Variants in SHANK2 observed in about 807,000 individuals in gnomAD.
SHANK2 encodes the protein SH3 and multiple ankyrin repeat domains protein 2.
In SHANK2, 43 loss-of-function variants were observed where a neutral mutation model predicts 133.7. That is an observed-to-expected ratio of 0.32 (90% CI 0.25 to 0.41). SHANK2 has a LOEUF of 0.41. SHANK2 is among the 10% of genes least tolerant of loss of function. SHANK2 has a pLI of 1.00. For synonymous variants in SHANK2, 1,017 were observed against 952.8 expected (o/e 1.07, Z -1.24); for missense variants, 1,994 against 2,235.8 (o/e 0.89, Z 2.18).
chr11:71,152,549 C>T lies in SHANK2; in HGVS notation c.-12-5211G>A, dbSNP rs1555108278. On this transcript the variant is annotated intron_variant, in intron 2 of 25. Coordinates refer to ENST00000601538, the MANE Select transcript of SHANK2 (RefSeq NM_012309.5). ...GAGGGGCTCCTGAGGCCACAGCCCC[C>T]GCTGCTGCCGGCGGACATCTTCACC... 2.6e-5 allele frequency among the ~76,000 whole-genome samples: 4 copies of T among 152,244 alleles called. No homozygotes were observed. In the South Asian group the frequency reaches 8.3e-4, roughly 32 times the overall value.
At chr11:70,629,340 T>G (rs7947484) in intron 17 of SHANK2, among the ~76,000 whole-genome samples, 37,170 of 152,160 alleles carry the variant, frequency 0.24, 4,868 homozygotes, top group Non-Finnish European at 0.29. Flanking sequence ...TCGAACTCTC[T>G]GAAGGGTTTG....
chr11:70,918,891 A>C (rs1950307864), intron 10 of SHANK2, among the ~76,000 whole-genome samples: 1 of 152,188 alleles, frequency 6.6e-6, no homozygotes, highest in Non-Finnish European at 1.5e-5. Flanking sequence ...CAGGCCAGGC[A>C]CAGTGGCTCA....
intron 15 of SHANK2, among the ~76,000 whole-genome samples, chr11:70,674,400 C>G (rs1173691171): frequency 5.3e-5 from 8 of 151,722 alleles, no homozygotes; most frequent in African/African-American, 1.9e-4. Context: ...TTTTTACTTG[C>G]CAGCTTGGCA....
chr11:70,522,761 G>T (rs2059346425), intron 17 of SHANK2, among the ~76,000 whole-genome samples: 1 of 152,238 alleles, frequency 6.6e-6, no homozygotes, highest in Non-Finnish European at 1.5e-5. Context: ...ATCAGAGGGG[G>T]AGAGGAAAGA....
At chr11:71,147,939 G>A (rs1952688178) in intron 2 of SHANK2, among the ~76,000 whole-genome samples, 2 of 152,314 alleles carry the variant, frequency 1.3e-5, no homozygotes, top group South Asian at 2.1e-4. Flanking sequence ...CAAGAGTCAT[G>A]AGCAGACTGC....
At chr11:71,099,001 C>T (rs1253053752) in intron 6 of SHANK2, among the ~76,000 whole-genome samples, 7 of 152,090 alleles carry the variant, frequency 4.6e-5, no homozygotes, top group Non-Finnish European at 8.8e-5. Flanking sequence ...ACCAACAGGA[C>T]GGGCCCTCGG....
intron 11 of SHANK2, among the ~76,000 whole-genome samples, chr11:70,889,331 T>C (rs1949801778): frequency 6.6e-6 from 1 of 152,168 alleles, no homozygotes; most frequent in Admixed American, 6.5e-5. Flanking sequence ...CCCTTGGGCC[T>C]GCAGAGGGAA....
intron 15 of SHANK2, among the ~76,000 whole-genome samples, chr11:70,664,844 C>T (rs1328848775): frequency 6.6e-6 from 1 of 152,222 alleles, no homozygotes; most frequent in Non-Finnish European, 1.5e-5. Flanking sequence ...GTTCAAATCC[C>T]AGCTTTGCTT....
intron 2 of SHANK2, among the ~76,000 whole-genome samples, chr11:71,224,420 GGGTC>G (rs1954607481): frequency 3.9e-5 from 6 of 152,344 alleles, no homozygotes; most frequent in African/African-American, 1.4e-4. Context: ...CACCCTGACT[GGGTC>G]TAGCCTGGGC....
intron 6 of SHANK2, among the ~76,000 whole-genome samples, chr11:71,095,816 T>C (rs144784672): frequency 2.0e-5 from 3 of 152,372 alleles, no homozygotes; most frequent in Non-Finnish European, 2.9e-5. Flanking sequence ...GATATGCACA[T>C]GCTTAACCCC....
At chr11:70,911,683 T>G (rs1555079042) in intron 10 of SHANK2, among the ~76,000 whole-genome samples, 1 of 152,102 alleles carries the variant, frequency 6.6e-6, no homozygotes, top group Admixed American at 6.5e-5. Flanking sequence ...AAGCTGTGAG[T>G]GCACCTGCAG....
rs1952544278 is a variant in SHANK2, at chr11:71,141,029, T to C, written c.207+6091A>G. On this transcript the variant is annotated intron_variant, in intron 3 of 25. Coordinates refer to ENST00000601538, the MANE Select transcript of SHANK2 (RefSeq NM_012309.5). ...CCTCACTGGCTCTGAAGTCTGACCC[T>C]CCTGTTCCCATCTGTAAAGTGGGAT... 1.3e-5 allele frequency among the ~76,000 whole-genome samples: 2 copies of C among 152,194 alleles called. 1 individual carries two copies. The highest frequency in any genetic ancestry group is 2.9e-5 in the Non-Finnish European group (2 of 68,030).
intron 2 of SHANK2, among the ~76,000 whole-genome samples, chr11:71,171,765 CG>C (rs1474732299): frequency 6.6e-6 from 1 of 152,182 alleles, no homozygotes; most frequent in Non-Finnish European, 1.5e-5. Context: ...TTAGTCCAGT[CG>C]AAAGGACACC....
intron 17 of SHANK2, among the ~76,000 whole-genome samples, chr11:70,590,024 G>T (rs576455121): frequency 6.6e-6 from 1 of 152,134 alleles, no homozygotes; most frequent in Non-Finnish European, 1.5e-5. Context: ...GCGCGGTGGC[G>T]GGCGCCTGTA....
intron 10 of SHANK2, among the ~76,000 whole-genome samples, chr11:70,929,808 G>A (rs1241749665): frequency 6.6e-6 from 1 of 152,166 alleles, no homozygotes. Context: ...ACATGTTTGG[G>A]GGGACATTCT....
At chr11:70,482,762 C>T (rs1210585219) in intron 25 of SHANK2, among the ~76,000 whole-genome samples, 2 of 152,186 alleles carry the variant, frequency 1.3e-5, no homozygotes, top group Non-Finnish European at 2.9e-5. Context: ...CGTGGGTCGG[C>T]GGTGGTATGC....
At chr11:70,649,575 G>A (rs150047836) in intron 17 of SHANK2, among the ~76,000 whole-genome samples, 3 of 152,254 alleles carry the variant, frequency 2.0e-5, no homozygotes, top group East Asian at 1.9e-4. Flanking sequence ...CACCAAAGGC[G>A]AAGAGAAATC....
chr11:71,152,658 G>C (rs72959507), intron 2 of SHANK2, among the ~76,000 whole-genome samples: 26,099 of 152,198 alleles, frequency 0.17, 2,501 homozygotes, highest in South Asian at 0.28. Context: ...CCATGGTGCA[G>C]AAGGGCTCCA....
intron 21 of SHANK2, among the ~76,000 whole-genome samples, chr11:70,496,282 G>T (rs967985700): frequency 1.3e-5 from 2 of 152,144 alleles, no homozygotes; most frequent in African/African-American, 4.8e-5. Context: ...TTCCAACTGG[G>T]CCCTTCCAGA....
Sources: allele counts gnomAD v4.1 joint callset (sites outside exome capture counted in the v4.1 genomes callset), GRCh38; gene constraint gnomAD v4.1.1; transcripts MANE v1.5; gene names NCBI Gene and HGNC (gene_info 2026-07-23, HGNC 2026-07-21).